Variants in BTN3A1 observed in about 807,000 individuals in gnomAD.
The protein encoded by BTN3A1 is butyrophilin subfamily 3 member A1, also known as dJ45P21.3 (butyrophilin, subfamily 3, member A1).
In BTN3A1, 24 loss-of-function variants were observed where a neutral mutation model predicts 43.0. The observed-to-expected ratio is 0.56, with a 90% confidence interval of 0.40 to 0.78. The LOEUF (loss-of-function observed/expected upper bound fraction) is 0.78. BTN3A1 is among the 30% of genes least tolerant of loss of function. The probability of loss-of-function intolerance (pLI) is 0.00; values close to 1 mark genes in which losing one functional copy is unlikely to be tolerated. For synonymous variants in BTN3A1, 181 were observed against 234.7 expected (o/e 0.77, Z 2.09); for missense variants, 533 against 626.2 (o/e 0.85, Z 1.59).
rs1433790233 is a variant in BTN3A1, at chr6:26,410,999, G to GT, written c.965-109dup. The GT allele has an allele frequency of 3.2e-5, 18 of 566,894 alleles. No homozygotes were observed. The African/African-American group carries it at 4.7e-4, about 15-fold the overall frequency. The allele number at this position is 566,894 out of a possible 1,614,324, so 35.1% of individuals were successfully genotyped here. ...CCTGCAGAGGAGGAAGATACAGGTGGTAAAAAAAAAAAAAAAAAAAAAAAG... is the reference window on the plus strand; with the variant it reads ...CCTGCAGAGGAGGAAGATACAGGTGGTTAAAAAAAAAAAAAAAAAAAAAAAG... On this transcript the variant is annotated intron_variant, in intron 7 of 9. Coordinates refer to ENST00000289361, the MANE Select transcript of BTN3A1 (RefSeq NM_007048.6).
chr6:26,412,341 T>A, intron 9 of BTN3A1: 1 of 683,192 alleles, frequency 1.5e-6, no homozygotes, highest in East Asian at 2.7e-5. Flanking sequence ...CAGCAGCTGC[T>A]GCTGGCAGGG....
chr6:26,410,860 A>G (rs1032902037), intron 7 of BTN3A1, among the ~76,000 whole-genome samples: 4 of 151,486 alleles, frequency 2.6e-5, no homozygotes, highest in African/African-American at 9.7e-5. Flanking sequence ...TACATTCCAA[A>G]TAGATCAGCT....
intron 9 of BTN3A1, chr6:26,412,536 G>A (rs1762254662): frequency 1.9e-6 from 3 of 1,549,748 alleles, no homozygotes; most frequent in Admixed American, 2.0e-5. Flanking sequence ...GCTGAAGGGT[G>A]GAGAGTGAAT....
intron 8 of BTN3A1, 101 bp downstream of exon 8, chr6:26,411,236 C>G: frequency 7.0e-7 from 1 of 1,427,716 alleles, no homozygotes; most frequent in Middle Eastern, 1.9e-4. Context: ...TTGCATGAAT[C>G]AGATTTAACC....
rs769562626 is a variant in BTN3A1, at chr6:26,407,932, CA to C, written c.696del (p.Ala233ProfsTer58). Reference protein sequence around the residue: ...IRSSLLGLEKTASISIADPFF... With the variant: ...IRSSLLGLEKXASISIADPFF... ...AGTTCCCTCCTCGGCCTGGAAAAGA[CA>C]GCCAGCATTTCCATCGCAGGTCAGT... is the stretch of plus-strand genomic sequence containing the variant. On this transcript the variant is annotated frameshift_variant, in exon 4 of 10. Coordinates refer to ENST00000289361, the MANE Select transcript of BTN3A1 (RefSeq NM_007048.6). LOFTEE classifies it high-confidence loss of function. 7.4e-6 allele frequency: 12 copies of C among 1,614,056 alleles called. No homozygotes were observed. The highest frequency in any genetic ancestry group is 9.3e-6 in the Non-Finnish European group (11 of 1,180,020).
intron 9 of BTN3A1, 118 bp from the exon 10 acceptor site, chr6:26,413,051 T>C: frequency 6.6e-7 from 1 of 1,517,884 alleles, no homozygotes; most frequent in Non-Finnish European, 8.8e-7. Flanking sequence ...TAGGGCAGAC[T>C]AGGGACACCA....
chr6:26,404,367 C>T (rs1221162595), intron 1 of BTN3A1: 3 of 152,218 alleles, frequency 2.0e-5, no homozygotes, highest in African/African-American at 7.2e-5. Context: ...CCAAGTGTCC[C>T]TTCACTCACT....
In BTN3A1 at chr6:26,413,620, C is replaced by T. The variant is rs199657616; in HGVS notation, c.1470C>T (p.Phe490=). Reference sequence around the variant, plus strand: ...TTCATACTTTCCTGGACGTCTCCTTCTCTGAGGCTCTATATCCTGTTTTCA... The same window carrying T: ...TTCATACTTTCCTGGACGTCTCCTTTTCTGAGGCTCTATATCCTGTTTTCA... ...SHIHTFLDVS[F]SEALYPVFRI... Residue 490 remains phenylalanine (F), a synonymous_variant, in exon 10 of 10, where the codon TTC becomes TTT. Transcript: ENST00000289361. 4.2e-5 allele frequency: 68 copies of T among 1,614,182 alleles called. No individual in the cohort carries two copies. The African/African-American group carries it at 6.3e-4, about 15-fold the overall frequency.
chr6:26,405,951 T>C lies in BTN3A1; in HGVS notation c.128T>C (p.Met43Thr). Reference sequence around the variant, plus strand: ...GGACCCTCTGGGCCCATCCTGGCCATGGTGGGTGAAGACGCTGATCTGCCC... The same window carrying C: ...GGACCCTCTGGGCCCATCCTGGCCACGGTGGGTGAAGACGCTGATCTGCCC... ...VLGPSGPILA[M>T]VGEDADLPCH... is the part of the protein sequence containing the mutation. Residue 43 changes from methionine to threonine, a missense_variant, in exon 3 of 10, where the codon ATG (methionine) becomes ACG (threonine). Met to Thr is a moderately conservative substitution (Grantham distance 81). Coordinates refer to ENST00000289361, the MANE Select transcript of BTN3A1 (RefSeq NM_007048.6). 1 of 1,612,758 alleles carries C rather than the reference T, an allele frequency of 6.2e-7. No homozygotes were observed. Among genetic ancestry groups the C allele is most frequent in the Non-Finnish European group, 8.5e-7 (1 of 1,179,296 alleles).
rs571289659 is a variant in BTN3A1 at position 26,414,207 on chromosome 6, A to T, written c.*515A>T. The T allele has an allele frequency of 2.5e-4, 43 of 171,172 alleles. No individual in the cohort carries two copies. The highest frequency in any genetic ancestry group is 4.0e-4 in the Non-Finnish European group (32 of 79,164). 10.6% of individuals were successfully genotyped at this position (171,172 alleles called of 1,614,324 possible). On this transcript the variant is annotated 3_prime_UTR_variant, in exon 10 of 10. Transcript: ENST00000289361. ...CAGGGCAACATTAAGCAACTTACAT[A>T]ACTCATGCAGTAATTTCTGCAGTTG...
intron 3 of BTN3A1, 84 bp from the exon 4 acceptor site, chr6:26,407,587 G>T (rs1451242584): frequency 2.0e-6 from 3 of 1,474,410 alleles, no homozygotes; most frequent in East Asian, 4.6e-5. Flanking sequence ...CTTGAATTAT[G>T]GAATGTGAGT....
intron 4 of BTN3A1, 44 bp downstream of exon 4, chr6:26,407,996 C>G: frequency 6.2e-7 from 1 of 1,604,068 alleles, no homozygotes; most frequent in South Asian, 1.1e-5. Context: ...TGGGCTGTGG[C>G]AGTTGAATGA....
intron 1 of BTN3A1, 91 bp from the exon 2 acceptor site, chr6:26,405,281 A>C: frequency 2.1e-6 from 1 of 478,442 alleles, no homozygotes; most frequent in Non-Finnish European, 3.8e-6. Flanking sequence ...AGTTTGGGGA[A>C]GTCATAGGAT....
intron 8 of BTN3A1, 97 bp from the exon 9 acceptor site, chr6:26,411,458 G>A: frequency 6.9e-7 from 1 of 1,447,550 alleles, no homozygotes; most frequent in Non-Finnish European, 9.6e-7. Flanking sequence ...AAGAGACTCT[G>A]AAGAAAAGGA....
chr6:26,412,506 C>T lies in BTN3A1; in HGVS notation c.1019-663C>T, dbSNP rs893369541. 14 of 1,548,966 alleles carry T rather than the reference C, an allele frequency of 9.0e-6. No individual in the cohort carries two copies. In the Admixed American group the frequency reaches 1.4e-4, roughly 15 times the overall value. On this transcript the variant is annotated intron_variant, in intron 9 of 9. Coordinates refer to ENST00000289361, the MANE Select transcript of BTN3A1 (RefSeq NM_007048.6). Reference sequence around the variant, plus strand: ...CTGCCCAGAGGACAGATTCCTGGGGCCCAGAAGAGGGTGGAGAAAGCTGAA... The same window carrying T: ...CTGCCCAGAGGACAGATTCCTGGGGTCCAGAAGAGGGTGGAGAAAGCTGAA...
Position 26,414,792 on chromosome 6 carries a change from T to G in BTN3A1, c.*1100T>G, listed in dbSNP as rs1233196681. ...ACCTCCACCTCCTGGGTTCAAACAA[T>G]TCTCCTGCCTCAGCCTCCCGAGTAC... On this transcript the variant is annotated 3_prime_UTR_variant, in exon 10 of 10. Coordinates refer to ENST00000289361, the MANE Select transcript of BTN3A1 (RefSeq NM_007048.6). 6.6e-6 allele frequency: 1 copy of G among 151,968 alleles called. No individual in the cohort carries two copies. The highest frequency in any genetic ancestry group is 2.4e-5 in the African/African-American group (1 of 41,282). 9.4% of individuals were successfully genotyped at this position (151,968 alleles called of 1,614,324 possible). A position where few individuals can be genotyped will look rare whatever the true frequency, so the allele number is the denominator to read the frequency against.
At position 26,414,066 on chromosome 6, in the gene BTN3A1, T is replaced by G; in HGVS notation, c.*374T>G. On this transcript the variant is annotated 3_prime_UTR_variant, in exon 10 of 10. Transcript: ENST00000289361. ...GGATCTAAACAGCAATAACTAACAT[T>G]AATGGAGAACTTAAAATGCTCTGAG... The G allele has an allele frequency of 4.7e-6, 1 of 214,174 alleles. No individual in the cohort carries two copies. The highest frequency in any genetic ancestry group is 8.8e-6 in the Non-Finnish European group (1 of 113,128). The allele number at this position is 214,174 out of a possible 1,614,324, so 13.3% of individuals were successfully genotyped here.
chr6:26,403,843 T>C (rs1461674319), intron 1 of BTN3A1, among the ~76,000 whole-genome samples: 2 of 152,182 alleles, frequency 1.3e-5, no homozygotes, highest in South Asian at 4.1e-4. Context: ...TATGCTTTTT[T>C]TCATTTGCAA....
At chr6:26,410,787 A>G (rs1396353594) in intron 7 of BTN3A1, among the ~76,000 whole-genome samples, 6 of 149,910 alleles carry the variant, frequency 4.0e-5, no homozygotes, top group Admixed American at 6.7e-5. Flanking sequence ...GTATATATAT[A>G]TGTGTATATA....
Sources: allele counts gnomAD v4.1 joint callset (sites outside exome capture counted in the v4.1 genomes callset), GRCh38; gene constraint gnomAD v4.1.1; transcripts MANE v1.5; gene names NCBI Gene and HGNC (gene_info 2026-07-23, HGNC 2026-07-21).